The following AR variants were observed in gnomAD, a reference collection of about 807,000 sequenced individuals.
The protein encoded by AR is androgen receptor.
AR carries 8 observed loss-of-function variants against 53.9 expected under a neutral mutation model. The observed-to-expected ratio is 0.15, with a 90% CI of 0.09 to 0.27. The LOEUF (loss-of-function observed/expected upper bound fraction) is 0.27. AR is among the 10% of genes least tolerant of loss of function. AR has a pLI of 1.00. For synonymous variants in AR, 359 were observed against 316.4 expected, an observed-to-expected ratio of 1.13 and a Z score of -1.43; for missense variants, 639 against 742.5, an observed-to-expected ratio of 0.86 and a Z score of 1.62.
intron 1 of AR, among the ~76,000 whole-genome samples, chrX:67,553,598 G>A (rs138578746): frequency 0.01 from 1,163 of 111,808 alleles, 15 homozygotes; most frequent in African/African-American, 0.035. Flanking sequence ...AAGTCAGCTA[G>A]GATTCTCACA....
intron 2 of AR, among the ~76,000 whole-genome samples, chrX:67,678,345 C>T (rs893378269): frequency 8.9e-6 from 1 of 111,825 alleles, no homozygotes; most frequent in Non-Finnish European, 1.9e-5. Context: ...AAAAACTCAA[C>T]TGGTTTGATT....
At chrX:67,580,098 C>T (rs1922225887) in intron 1 of AR, among the ~76,000 whole-genome samples, 1 of 109,284 alleles carries the variant, frequency 9.2e-6, no homozygotes, top group African/African-American at 3.3e-5. Flanking sequence ...GATCCTGCTC[C>T]CCAACTCCAC....
In AR at chrX:67,672,314, G is replaced by T. The variant is rs191060466; in HGVS notation, c.1769-13696G>T. Among the ~76,000 whole-genome samples, 896 of 110,903 alleles carry T rather than the reference G, an allele frequency of 8.1e-3. 7 individuals are homozygous for T. Among genetic ancestry groups the T allele is most frequent in the African/African-American group, 0.028 (854 of 30,464 alleles). On this transcript the variant is annotated intron_variant, in intron 2 of 7. Coordinates refer to ENST00000374690, the MANE Select transcript of AR (RefSeq NM_000044.6). The stretch of plus-strand genomic sequence containing the variant: ...TCCATTCAGCCAGTCTATAACTTTT[G>T]CTTGGAGAGTTTCGTCCATTTAGAT...
intron 3 of AR, among the ~76,000 whole-genome samples, chrX:67,701,372 G>C (rs1240820180): frequency 9.0e-6 from 1 of 110,524 alleles, no homozygotes; most frequent in African/African-American, 3.3e-5. Flanking sequence ...ATGTAACATA[G>C]GGAATTCTGG....
chrX:67,661,615 T>C (rs1309127995), intron 2 of AR, among the ~76,000 whole-genome samples: 1 of 111,714 alleles, frequency 9.0e-6, no homozygotes, highest in African/African-American at 3.3e-5. Context: ...TGAGGATTTT[T>C]GCATCAATGT....
intron 1 of AR, among the ~76,000 whole-genome samples, chrX:67,594,699 G>A (rs775850504): frequency 8.9e-6 from 1 of 112,050 alleles, no homozygotes; most frequent in Non-Finnish European, 1.9e-5. Context: ...TGTAATCCCA[G>A]CACTTTGGGA....
At chrX:67,563,006 A>G (rs2147339248) in intron 1 of AR, among the ~76,000 whole-genome samples, 1 of 112,213 alleles carries the variant, frequency 8.9e-6, no homozygotes, top group African/African-American at 3.2e-5. Context: ...GTAAATTCAC[A>G]TTCACTGAAG....
intron 1 of AR, among the ~76,000 whole-genome samples, chrX:67,626,767 G>A (rs1019286513): frequency 2.2e-5 from 2 of 89,042 alleles, no homozygotes; most frequent in Non-Finnish European, 4.4e-5. Context: ...ATCTCCCAAT[G>A]CTATCCCTCC....
At chrX:67,631,515 A>G (rs1249247055) in intron 1 of AR, among the ~76,000 whole-genome samples, 2 of 111,268 alleles carry the variant, frequency 1.8e-5, no homozygotes, top group Non-Finnish European at 3.8e-5. Flanking sequence ...ACTTCTCTGT[A>G]TTGGTTATTC....
intron 2 of AR, among the ~76,000 whole-genome samples, chrX:67,651,853 A>G (rs751019132): frequency 2.7e-5 from 3 of 111,724 alleles, no homozygotes; most frequent in Non-Finnish European, 5.6e-5. Flanking sequence ...TTCAGGGGAA[A>G]GTTCTGATTC....
At chrX:67,554,279 T>G (rs1930104697) in intron 1 of AR, among the ~76,000 whole-genome samples, 2 of 112,202 alleles carry the variant, frequency 1.8e-5, no homozygotes, top group Admixed American at 1.9e-4. Context: ...ATATTAGGCT[T>G]ATGTTTAGGT....
intron 1 of AR, among the ~76,000 whole-genome samples, chrX:67,615,314 A>G (rs1924068839): frequency 2.7e-5 from 3 of 111,407 alleles, no homozygotes; most frequent in Non-Finnish European, 3.8e-5. Context: ...AAATATAAAG[A>G]GAAAATTTTG....
intron 1 of AR, among the ~76,000 whole-genome samples, chrX:67,638,941 A>C (rs1925598160): frequency 1.8e-5 from 2 of 111,876 alleles, no homozygotes; most frequent in Admixed American, 1.9e-4. Flanking sequence ...GTTTTCTTCT[A>C]GGGTTTTCAT....
intron 3 of AR, chrX:67,694,740 T>C (rs1429587353): frequency 3.5e-6 from 4 of 1,152,583 alleles, no homozygotes; most frequent in Non-Finnish European, 4.6e-6. Flanking sequence ...CTGACTTGCC[T>C]CATTCAAAAT....
Position 67,725,042 on chromosome X carries a change from T to C in AR, c.*1201T>C. On this transcript the variant is annotated 3_prime_UTR_variant, in exon 8 of 8. Transcript: ENST00000374690. ...ACCTTTTCCCCACCTTTAAAAGACC[T>C]GAATGAAGTTTTCTGCCAAACTCCG... 1 of 175,766 alleles carries C rather than the reference T, an allele frequency of 5.7e-6. No individual in the cohort carries two copies. Among genetic ancestry groups the C allele is most frequent in the South Asian group, 3.0e-4 (1 of 3,320 alleles). 14.5% of individuals were successfully genotyped at this position (175,766 alleles called of 1,213,427 possible). A position where few individuals can be genotyped will look rare whatever the true frequency, so the allele number is the denominator to read the frequency against.
intron 2 of AR, among the ~76,000 whole-genome samples, chrX:67,644,266 G>A (rs746643935): frequency 9.0e-6 from 1 of 111,544 alleles, no homozygotes; most frequent in South Asian, 3.8e-4. Flanking sequence ...CTGTATTGAG[G>A]GCTTTCTTCT....
chrX:67,655,399 C>G (rs1926539434), intron 2 of AR, among the ~76,000 whole-genome samples: 1 of 111,727 alleles, frequency 9.0e-6, no homozygotes, highest in East Asian at 2.8e-4. Flanking sequence ...TCCCCCAAAA[C>G]TCCTCTGTAG....
chrX:67,681,436 C>T (rs2075933411), intron 2 of AR, among the ~76,000 whole-genome samples: 1 of 112,144 alleles, frequency 8.9e-6, no homozygotes. Context: ...ACTCAGAACG[C>T]TTTGTCTTCA....
chrX:67,667,627 G>A (rs184798664), intron 2 of AR, among the ~76,000 whole-genome samples: 46 of 111,063 alleles, frequency 4.1e-4, no homozygotes, highest in African/African-American at 1.1e-3. Flanking sequence ...TATAAATTGC[G>A]TTGAATCTGT....
Sources: gnomAD v4.1 joint callset for allele counts (sites outside exome capture counted in the v4.1 genomes callset) on GRCh38, gnomAD v4.1.1 for gene constraint, MANE v1.5 for transcripts, NCBI Gene and HGNC (gene_info 2026-07-23, HGNC 2026-07-21) for gene names.